The following NRXN1 variants were observed in gnomAD, a reference collection of about 807,000 sequenced individuals.
NRXN1 encodes the protein neurexin 1.
Under a neutral mutation model 150.9 loss-of-function variants are expected in NRXN1, and 39 were observed. The ratio of observed to expected loss-of-function variants is 0.26; its 90% CI spans 0.20 to 0.34. NRXN1 has a LOEUF of 0.34. Among genes scored for constraint, NRXN1 ranks in the 10% least tolerant of loss-of-function variants. NRXN1 has a pLI of 1.00. For missense variants in NRXN1, 1,815 were observed against 1,949.9 expected (o/e 0.93, Z 1.30); for synonymous variants, 924 against 757.0 (o/e 1.22, Z -3.62).
intron 5 of NRXN1, among the ~76,000 whole-genome samples, chr2:50,689,005 C>T (rs1206700990): frequency 6.6e-6 from 1 of 152,116 alleles, no homozygotes; most frequent in Non-Finnish European, 1.5e-5. Flanking sequence ...TATACATACC[C>T]CTTTACTACT....
intron 18 of NRXN1, among the ~76,000 whole-genome samples, chr2:50,113,430 G>GAATT (rs1702634363): frequency 1.3e-5 from 2 of 152,158 alleles, no homozygotes; most frequent in African/African-American, 4.8e-5. Flanking sequence ...ACTTTTGAAT[G>GAATT]AATTAATATC....
intron 5 of NRXN1, among the ~76,000 whole-genome samples, chr2:50,683,093 A>G (rs547143782): frequency 6.6e-6 from 1 of 152,220 alleles, no homozygotes; most frequent in East Asian, 1.9e-4. Context: ...GACCATACTT[A>G]TCTTGAAGGT....
At chr2:50,768,905 C>A (rs557352044) in intron 5 of NRXN1, among the ~76,000 whole-genome samples, 239 of 151,558 alleles carry the variant, frequency 1.6e-3, no homozygotes, top group Non-Finnish European at 3.1e-3. Context: ...CGAACAACAA[C>A]AACAACAACA....
chr2:50,512,019 G>A (rs1173630076), intron 12 of NRXN1, among the ~76,000 whole-genome samples: 2 of 151,850 alleles, frequency 1.3e-5, no homozygotes, highest in East Asian at 3.9e-4. Flanking sequence ...CCTTGAAGAC[G>A]ACATGTATTC....
intron 2 of NRXN1, among the ~76,000 whole-genome samples, chr2:50,939,437 A>G (rs964133024): frequency 6.6e-6 from 1 of 151,926 alleles, no homozygotes; most frequent in Non-Finnish European, 1.5e-5. Context: ...CAGAATTTTA[A>G]TAGATTTATG....
chr2:50,256,079 G>A (rs1031863669), intron 17 of NRXN1, among the ~76,000 whole-genome samples: 1 of 152,180 alleles, frequency 6.6e-6, no homozygotes, highest in Non-Finnish European at 1.5e-5. Context: ...ACAGCAGGCA[G>A]TATAAAACTG....
chr2:50,127,914 C>A (rs1386593874), intron 18 of NRXN1, among the ~76,000 whole-genome samples: 1 of 152,212 alleles, frequency 6.6e-6, no homozygotes, highest in Non-Finnish European at 1.5e-5. Context: ...CTTTTAAACA[C>A]TCCTCAAGGA....
At chr2:50,510,446 A>G in intron 12 of NRXN1, among the ~76,000 whole-genome samples, 1 of 122,100 alleles carries the variant, frequency 8.2e-6, no homozygotes. Context: ...AGATCTCGCC[A>G]TTGCACTCCA....
At chr2:50,645,739 A>G (rs1471108133) in intron 5 of NRXN1, among the ~76,000 whole-genome samples, 14 of 152,034 alleles carry the variant, frequency 9.2e-5, no homozygotes, top group Admixed American at 9.2e-4. Context: ...TTATATTATT[A>G]TTATCTACTA....
At chr2:50,320,322 AT>A (rs1316820502) in intron 17 of NRXN1, among the ~76,000 whole-genome samples, 2 of 126,688 alleles carry the variant, frequency 1.6e-5, no homozygotes, top group African/African-American at 6.1e-5. Flanking sequence ...ATATATATAT[AT>A]ATATAGTATA....
intron 18 of NRXN1, among the ~76,000 whole-genome samples, chr2:50,173,580 T>G (rs2060158671): frequency 6.6e-6 from 1 of 152,158 alleles, no homozygotes; most frequent in Non-Finnish European, 1.5e-5. Flanking sequence ...GATAATTATT[T>G]GCCATGCCAA....
intron 8 of NRXN1, among the ~76,000 whole-genome samples, chr2:50,598,141 GA>G (rs1014522007): frequency 0.013 from 1,693 of 135,054 alleles, 26 homozygotes; most frequent in African/African-American, 0.038. Flanking sequence ...GCGTCTCAAA[GA>G]AAAAAAAAAA....
intron 21 of NRXN1, among the ~76,000 whole-genome samples, chr2:49,995,246 T>C (rs1416681931): frequency 6.6e-6 from 1 of 152,196 alleles, no homozygotes; most frequent in Non-Finnish European, 1.5e-5. Context: ...CAATTAGATA[T>C]ACAGGAATAA....
chr2:50,421,124 AT>A lies in NRXN1; in HGVS notation c.3364+44317del, dbSNP rs200151206. On this transcript the variant is annotated intron_variant, in intron 17 of 22. Coordinates refer to ENST00000401669, the MANE Select transcript of NRXN1 (RefSeq NM_001330078.2). ...GAGAGGAGACATTAATAATGCAGAA[AT>A]TTTTTTTTCCGGGTATTTTTCATGT... 6.6e-3 allele frequency among the ~76,000 whole-genome samples: 990 copies of A among 150,632 alleles called. 12 individuals are homozygous for A. The highest frequency in any genetic ancestry group is 0.022 in the African/African-American group (915 of 41,008).
At chr2:50,333,989 A>G (rs528340348) in intron 17 of NRXN1, among the ~76,000 whole-genome samples, 1 of 151,984 alleles carries the variant, frequency 6.6e-6, no homozygotes, top group Non-Finnish European at 1.5e-5. Flanking sequence ...CAGTGAGGAT[A>G]TTAGGACATC....
At chr2:50,184,882 T>C (rs1408394972) in intron 18 of NRXN1, among the ~76,000 whole-genome samples, 1 of 152,088 alleles carries the variant, frequency 6.6e-6, no homozygotes, top group Non-Finnish European at 1.5e-5. Flanking sequence ...GATTAAGTAA[T>C]TGGCCAAGGT....
chr2:50,191,941 A>G (rs1403556188), intron 18 of NRXN1, among the ~76,000 whole-genome samples: 1 of 152,214 alleles, frequency 6.6e-6, no homozygotes, highest in South Asian at 2.1e-4. Context: ...GGCTAGGAAG[A>G]CATATCTAAA....
chr2:50,693,583 C>T (rs893161014), intron 5 of NRXN1, among the ~76,000 whole-genome samples: 3 of 152,054 alleles, frequency 2.0e-5, no homozygotes, highest in African/African-American at 4.8e-5. Context: ...GAAATAAATA[C>T]GTTGAATCAA....
chr2:50,389,063 G>T (rs2081514319), intron 17 of NRXN1, among the ~76,000 whole-genome samples: 1 of 151,986 alleles, frequency 6.6e-6, no homozygotes, highest in South Asian at 2.1e-4. Flanking sequence ...AGCTTCTTGG[G>T]AGGCTGAGGT....
Sources: allele counts gnomAD v4.1 joint callset (sites outside exome capture counted in the v4.1 genomes callset), GRCh38; gene constraint gnomAD v4.1.1; transcripts MANE v1.5; gene names NCBI Gene and HGNC (gene_info 2026-07-23, HGNC 2026-07-21).